The following ANKS1B variants were observed in gnomAD, a reference collection of about 807,000 sequenced individuals.
The protein encoded by ANKS1B is ankyrin repeat and sterile alpha motif domain-containing protein 1B.
Under a neutral mutation model 148.3 loss-of-function variants are expected in ANKS1B, and 36 were observed. That is an observed-to-expected ratio of 0.24 (90% confidence interval 0.19 to 0.32). ANKS1B has a LOEUF of 0.32. Ranked by LOEUF, ANKS1B falls within the 10% of genes least tolerant of loss-of-function variation. The probability of loss-of-function intolerance (pLI) is 1.00; values close to 1 mark genes in which losing one functional copy is unlikely to be tolerated. For synonymous variants in ANKS1B, 542 were observed against 560.8 expected (o/e 0.97, Z 0.47); for missense variants, 1,157 against 1,542.6 (o/e 0.75, Z 4.19).
At chr12:98,764,594 C>T (rs543355306) in intron 25 of ANKS1B, among the ~76,000 whole-genome samples, 7 of 152,242 alleles carry the variant, frequency 4.6e-5, no homozygotes, top group African/African-American at 1.7e-4. Context: ...AAATTTGAAC[C>T]CTTGTTGTTT....
At position 98,878,560 on chromosome 12, in the gene ANKS1B, C is replaced by T. The variant is rs551646540; in HGVS notation, c.2779-46424G>A. Among the ~76,000 whole-genome samples the T allele has an allele frequency of 2.6e-5, 4 of 152,226 alleles. No individual in the cohort carries two copies. The East Asian group carries it at 7.7e-4, about 29-fold the overall frequency. ...GTTTGCTATTTTGTTTGTTCAATTC[C>T]TAACAGGGATCAGAGGACACCATAG... is the stretch of plus-strand genomic sequence containing the variant. On this transcript the variant is annotated intron_variant, in intron 17 of 26. Transcript: ENST00000683438.
intron 12 of ANKS1B, among the ~76,000 whole-genome samples, chr12:99,347,224 C>A (rs184436927): frequency 6.6e-6 from 1 of 151,914 alleles, no homozygotes; most frequent in Non-Finnish European, 1.5e-5. Context: ...GCCACTGCTA[C>A]GCCCATGAGA....
At chr12:99,753,744 G>T (rs926774828) in intron 8 of ANKS1B, among the ~76,000 whole-genome samples, 3 of 152,014 alleles carry the variant, frequency 2.0e-5, no homozygotes, top group African/African-American at 7.2e-5. Flanking sequence ...AAAGTAGGGT[G>T]GGCACGGTGG....
chr12:99,620,626 C>A (rs1183462522), intron 9 of ANKS1B, among the ~76,000 whole-genome samples: 1 of 151,932 alleles, frequency 6.6e-6, no homozygotes, highest in Non-Finnish European at 1.5e-5. Flanking sequence ...AAAGCTTCAC[C>A]AATTGACTCG....
intron 16 of ANKS1B, among the ~76,000 whole-genome samples, chr12:99,055,722 G>GGC (rs200718072): frequency 1.1e-4 from 1 of 9,184 alleles, no homozygotes; most frequent in African/African-American, 2.7e-4. Flanking sequence ...GTCTAAACTT[G>GGC]GGGGGGGGGG....
chr12:99,876,101 T>C (rs1247145104), intron 1 of ANKS1B, among the ~76,000 whole-genome samples: 1 of 152,176 alleles, frequency 6.6e-6, no homozygotes, highest in African/African-American at 2.4e-5. Flanking sequence ...AAGCCAGACC[T>C]GGACACAGGT....
At position 99,184,619 on chromosome 12, in the gene ANKS1B, A is replaced by C. The variant is rs190671431; in HGVS notation, c.2420-30224T>G. On this transcript the variant is annotated intron_variant, in intron 14 of 26. Transcript: ENST00000683438. ...TATCATTAGGAGAAAACACCTATAG[A>C]TAGCATAGTATGTTGTTAATTTTTG... is the stretch of plus-strand genomic sequence containing the variant. Among the ~76,000 whole-genome samples, 17 of 152,338 alleles carry C rather than the reference A, an allele frequency of 1.1e-4. No homozygotes were observed. In the South Asian group the frequency reaches 2.9e-3, roughly 26 times the overall value.
intron 25 of ANKS1B, among the ~76,000 whole-genome samples, chr12:98,771,969 G>A (rs918139435): frequency 3.9e-5 from 6 of 152,208 alleles, no homozygotes; most frequent in African/African-American, 1.2e-4. Flanking sequence ...CAAGGAGGCT[G>A]TAAGACCTTT....
intron 24 of ANKS1B, 76 bp downstream of exon 24, chr12:98,781,041 T>C (rs1034298387): frequency 5.5e-6 from 5 of 908,352 alleles, no homozygotes; most frequent in African/African-American, 3.4e-5. Context: ...CTGGGTATTA[T>C]AGGAAGCAAA....
intron 17 of ANKS1B, among the ~76,000 whole-genome samples, chr12:98,899,499 G>A (rs948244085): frequency 2.6e-5 from 4 of 152,172 alleles, no homozygotes; most frequent in African/African-American, 7.2e-5. Flanking sequence ...TTTAACTAAA[G>A]GAGATTATCT....
chr12:99,017,545 A>G (rs557754846), intron 17 of ANKS1B, among the ~76,000 whole-genome samples: 3 of 152,242 alleles, frequency 2.0e-5, no homozygotes, highest in East Asian at 3.9e-4. Flanking sequence ...TCATGACTCA[A>G]TTGATCCTAT....
chr12:99,154,850 C>T (rs971551837), intron 14 of ANKS1B: 8 of 1,530,686 alleles, frequency 5.2e-6, no homozygotes, highest in African/African-American at 1.4e-5. Context: ...CCCCCTCGCT[C>T]GCTCCCCTTC....
At chr12:98,999,499 C>A (rs2099931686) in intron 17 of ANKS1B, among the ~76,000 whole-genome samples, 1 of 152,036 alleles carries the variant, frequency 6.6e-6, no homozygotes, top group Non-Finnish European at 1.5e-5. Flanking sequence ...AGATAAATAG[C>A]AAATATTCTG....
intron 11 of ANKS1B, among the ~76,000 whole-genome samples, chr12:99,407,673 C>A (rs1174845096): frequency 6.9e-6 from 1 of 145,898 alleles, no homozygotes. Flanking sequence ...ACAAAATCAA[C>A]ATACAAAAAC....
At chr12:99,709,581 T>A (rs992485812) in intron 8 of ANKS1B, among the ~76,000 whole-genome samples, 2 of 152,132 alleles carry the variant, frequency 1.3e-5, no homozygotes, top group Non-Finnish European at 2.9e-5. Flanking sequence ...GTTTGCCAGC[T>A]AGCAAGTGGT....
chr12:99,621,258 T>C (rs1293974398), intron 9 of ANKS1B, among the ~76,000 whole-genome samples: 4 of 151,842 alleles, frequency 2.6e-5, no homozygotes, highest in African/African-American at 7.3e-5. Context: ...GTTCTAAACA[T>C]GGAAATGAAA....
At chr12:99,076,938 A>G (rs2048052736) in intron 16 of ANKS1B, among the ~76,000 whole-genome samples, 2 of 152,162 alleles carry the variant, frequency 1.3e-5, no homozygotes, top group African/African-American at 4.8e-5. Flanking sequence ...TATAGGACAT[A>G]TGGCCAGCAG....
chr12:98,857,204 A>G (rs2099576362), intron 17 of ANKS1B, among the ~76,000 whole-genome samples: 1 of 152,234 alleles, frequency 6.6e-6, no homozygotes, highest in Non-Finnish European at 1.5e-5. Flanking sequence ...ACATTTTCAA[A>G]GAGGTGAGGA....
At chr12:98,807,522 A>G (rs1476531984) in intron 20 of ANKS1B, among the ~76,000 whole-genome samples, 1 of 152,098 alleles carries the variant, frequency 6.6e-6, no homozygotes, top group Non-Finnish European at 1.5e-5. Context: ...GTGTATATAT[A>G]TATATATCAA....
Sources: gnomAD v4.1 joint callset for allele counts (sites outside exome capture counted in the v4.1 genomes callset) on GRCh38, gnomAD v4.1.1 for gene constraint, MANE v1.5 for transcripts, NCBI Gene and HGNC (gene_info 2026-07-23, HGNC 2026-07-21) for gene names.